The following KAT7 variants were observed in gnomAD, a reference collection of about 807,000 sequenced individuals.
KAT7 encodes histone acetyltransferase KAT7.
A neutral mutation model predicts 82.1 loss-of-function variants in KAT7; 10 were observed. The observed-to-expected ratio is 0.12, with a 90% CI of 0.08 to 0.21. The LOEUF (loss-of-function observed/expected upper bound fraction) is 0.21. Ranked by LOEUF, KAT7 falls within the 10% of genes least tolerant of loss-of-function variation. The probability of loss-of-function intolerance (pLI) is 1.00; values close to 1 mark genes in which losing one functional copy is unlikely to be tolerated. For synonymous variants in KAT7, 250 were observed against 262.5 expected, an observed-to-expected ratio of 0.95 and a Z score of 0.46; for missense variants, 378 against 760.9, an observed-to-expected ratio of 0.50 and a Z score of 5.92.
At chr17:49,815,276 G>C (rs1007701724) in intron 7 of KAT7, 2 of 152,342 alleles carry the variant, frequency 1.3e-5, no homozygotes, top group African/African-American at 4.8e-5. Flanking sequence ...TCAAGTGAAA[G>C]AAGTTACAAA....
intron 1 of KAT7, chr17:49,789,201 C>G (rs1359700290): frequency 4.7e-6 from 1 of 211,526 alleles, no homozygotes; most frequent in Non-Finnish European, 9.5e-6. Context: ...CCAGCGCTCT[C>G]CCACTGGCTG....
intron 2 of KAT7, 27 bp downstream of exon 2, chr17:49,792,060 C>T: frequency 4.4e-6 from 7 of 1,607,296 alleles, no homozygotes; most frequent in East Asian, 2.2e-5. Context: ...TTTTCCTTAC[C>T]ACTCCTCACA....
At chr17:49,817,210 C>T (rs1204662726) in intron 8 of KAT7, among the ~76,000 whole-genome samples, 2 of 152,024 alleles carry the variant, frequency 1.3e-5, no homozygotes, top group Non-Finnish European at 2.9e-5. Context: ...TGATGATTTT[C>T]TTTATAATTC....
chr17:49,826,871 T>TA, intron 14 of KAT7, 72 bp downstream of exon 14: 1 of 969,374 alleles, frequency 1.0e-6, no homozygotes, highest in Non-Finnish European at 1.6e-6. Flanking sequence ...GTATGGGCCT[T>TA]AAGACTGGAG....
chr17:49,803,044 T>G (rs1196616512), intron 4 of KAT7, among the ~76,000 whole-genome samples: 1 of 151,772 alleles, frequency 6.6e-6, no homozygotes, highest in Non-Finnish European at 1.5e-5. Context: ...CTACATTGTA[T>G]GTATGGTATT....
intron 3 of KAT7, 37 bp downstream of exon 3, chr17:49,796,963 G>A (rs573040426): frequency 9.5e-6 from 15 of 1,574,572 alleles, no homozygotes; most frequent in Non-Finnish European, 1.3e-5. Flanking sequence ...CTATTACAGA[G>A]CATCTGGGTG....
rs1458267682 is a variant in KAT7 at position 49,834,261 on chromosome 17, C to G, written c.*6759C>G. ...TTCCCAGGCTCCAGCTATCCTCCCA[C>G]CTCAACCTCCAGAGTAGTTGAGACC... On this transcript the variant is annotated 3_prime_UTR_variant, in exon 15 of 15. Transcript: ENST00000259021. 6.6e-6 allele frequency: 1 copy of G among 152,290 alleles called. No individual in the cohort carries two copies. The highest frequency in any genetic ancestry group is 6.5e-5 in the Admixed American group (1 of 15,286). The allele number at this position is 152,290 out of a possible 1,614,324, so 9.4% of individuals were successfully genotyped here. A position where few individuals can be genotyped will look rare whatever the true frequency, so the allele number is the denominator to read the frequency against.
At chr17:49,820,293 C>CT (rs1287781132) in intron 9 of KAT7, among the ~76,000 whole-genome samples, 3,580 of 144,538 alleles carry the variant, frequency 0.025, 136 homozygotes, top group African/African-American at 0.082. Context: ...ACACTTTTTT[C>CT]TTTTTTTTTT....
chr17:49,799,975 C>A (rs1467998421), intron 4 of KAT7, among the ~76,000 whole-genome samples: 1 of 144,272 alleles, frequency 6.9e-6, no homozygotes, highest in Non-Finnish European at 1.5e-5. Context: ...CAGTGGTTTT[C>A]TGTAGTGTTT....
At chr17:49,822,032 A>G (rs1235294095) in intron 11 of KAT7, among the ~76,000 whole-genome samples, 2 of 152,146 alleles carry the variant, frequency 1.3e-5, no homozygotes, top group Non-Finnish European at 2.9e-5. Context: ...GCTGCCTATT[A>G]ATAACTGGCC....
chr17:49,811,003 A>G (rs2074156767), intron 6 of KAT7, among the ~76,000 whole-genome samples: 1 of 152,176 alleles, frequency 6.6e-6, no homozygotes, highest in Non-Finnish European at 1.5e-5. Context: ...TGCCTCAAAA[A>G]TAATACAAAT....
chr17:49,794,215 G>A (rs1032713698), intron 2 of KAT7, among the ~76,000 whole-genome samples: 23 of 152,212 alleles, frequency 1.5e-4, no homozygotes, highest in Non-Finnish European at 4.4e-5. Context: ...TGTGAGAGGG[G>A]TTTGCATAGA....
intron 13 of KAT7, chr17:49,826,408 G>C: frequency 2.0e-6 from 1 of 495,944 alleles, no homozygotes; most frequent in East Asian, 3.2e-5. Context: ...TCATCTTTCT[G>C]AGAAAGACAT....
Position 49,833,753 on chromosome 17 carries a change from A to G in KAT7, c.*6251A>G, listed in dbSNP as rs1456676607. On this transcript the variant is annotated 3_prime_UTR_variant, in exon 15 of 15. Coordinates refer to ENST00000259021, the MANE Select transcript of KAT7 (RefSeq NM_007067.5). The stretch of plus-strand genomic sequence containing the variant: ...CTCATGAGTGGCCCTTGCTGGTACC[A>G]CATGACACTAAAGACATCTAGCTGA... 6.6e-6 allele frequency: 1 copy of G among 152,230 alleles called. No individual in the cohort carries two copies. The highest frequency in any genetic ancestry group is 1.5e-5 in the Non-Finnish European group (1 of 68,048). The allele number at this position is 152,230 out of a possible 1,614,324, so 9.4% of individuals were successfully genotyped here. A position where few individuals can be genotyped will look rare whatever the true frequency, so the allele number is the denominator to read the frequency against.
chr17:49,797,083 A>G (rs970062876), intron 3 of KAT7, among the ~76,000 whole-genome samples, 157 bp downstream of exon 3: 4 of 139,370 alleles, frequency 2.9e-5, no homozygotes, highest in African/African-American at 8.5e-5. Flanking sequence ...TTTTTTTTTG[A>G]GACGGAGTCT....
intron 4 of KAT7, among the ~76,000 whole-genome samples, chr17:49,801,814 A>G (rs369867492): frequency 5.9e-5 from 9 of 151,992 alleles, no homozygotes; most frequent in Admixed American, 1.3e-4. Context: ...ACCCTAGTCT[A>G]TTCCTTAAGA....
chr17:49,820,510 C>G (rs1298270591), intron 9 of KAT7, among the ~76,000 whole-genome samples: 1 of 152,130 alleles, frequency 6.6e-6, no homozygotes, highest in African/African-American at 2.4e-5. Flanking sequence ...AACTCCTGAC[C>G]TCAGGTGATC....
intron 2 of KAT7, 52 bp downstream of exon 2, chr17:49,792,085 C>T (rs190799652): frequency 6.4e-7 from 1 of 1,565,424 alleles, no homozygotes; most frequent in East Asian, 2.3e-5. Context: ...GCTGACTGGC[C>T]CATCACATTA....
At chr17:49,822,453 A>T (rs564432555) in intron 11 of KAT7, among the ~76,000 whole-genome samples, 2 of 152,036 alleles carry the variant, frequency 1.3e-5, no homozygotes, top group South Asian at 4.2e-4. Context: ...CTGGTCTCGA[A>T]CTCCTGACCT....
Sources: allele counts gnomAD v4.1 joint callset (sites outside exome capture counted in the v4.1 genomes callset), GRCh38; gene constraint gnomAD v4.1.1; transcripts MANE v1.5; gene names NCBI Gene and HGNC (gene_info 2026-07-23, HGNC 2026-07-21).